Variants in NEK11 observed in about 807,000 individuals in gnomAD.
The protein encoded by NEK11 is NIMA related kinase 11, also known as serine/threonine-protein kinase Nek11.
In NEK11, 72 loss-of-function variants were observed where a neutral mutation model predicts 80.7. That is an observed-to-expected ratio of 0.89 (90% CI 0.74 to 1.08). The LOEUF is 1.08. NEK11 is among the 50% of genes least tolerant of loss of function. NEK11 has a pLI of 0.00. For missense variants in NEK11, 764 were observed against 763.6 expected, an observed-to-expected ratio of 1.00 and a Z score of -0.01; for synonymous variants, 251 against 260.7, an observed-to-expected ratio of 0.96 and a Z score of 0.36.
intron 14 of NEK11, among the ~76,000 whole-genome samples, chr3:131,196,615 C>A (rs927241224): frequency 5.3e-5 from 8 of 151,886 alleles, no homozygotes; most frequent in Non-Finnish European, 1.0e-4. Context: ...CTCACTACAA[C>A]CTCCACTTCC....
At chr3:131,338,400 C>A (rs963994758) in intron 17 of NEK11, among the ~76,000 whole-genome samples, 1 of 150,770 alleles carries the variant, frequency 6.6e-6, no homozygotes, top group African/African-American at 2.4e-5. Context: ...TTTCTTCACA[C>A]TTGATCTTCA....
chr3:131,063,530 A>C (rs766118447), intron 3 of NEK11, among the ~76,000 whole-genome samples: 1 of 152,178 alleles, frequency 6.6e-6, no homozygotes, highest in Non-Finnish European at 1.5e-5. Flanking sequence ...AGAAGCAAGA[A>C]AAAGGATACA....
At chr3:131,130,233 G>A (rs2084179789) in intron 5 of NEK11, among the ~76,000 whole-genome samples, 1 of 151,986 alleles carries the variant, frequency 6.6e-6, no homozygotes, top group South Asian at 2.1e-4. Flanking sequence ...AATTCTACTT[G>A]TTCATTGCTG....
intron 17 of NEK11, chr3:131,330,616 T>C (rs1314585988): frequency 6.6e-6 from 1 of 152,212 alleles, no homozygotes; most frequent in Non-Finnish European, 1.5e-5. Flanking sequence ...ATTTAAATCA[T>C]CCTATTTGAA....
chr3:131,197,852 C>A (rs1466814384), intron 14 of NEK11, among the ~76,000 whole-genome samples: 5 of 152,206 alleles, frequency 3.3e-5, no homozygotes, highest in African/African-American at 1.2e-4. Context: ...TCCTGCCTTG[C>A]AGCTCTTTTG....
chr3:131,264,685 T>C (rs914561738), intron 16 of NEK11, among the ~76,000 whole-genome samples: 1 of 152,224 alleles, frequency 6.6e-6, no homozygotes, highest in African/African-American at 2.4e-5. Flanking sequence ...AGGATTGTCT[T>C]GGCAATGTGG....
At chr3:131,327,191 G>A (rs1445951221) in intron 17 of NEK11, 1 of 152,286 alleles carries the variant, frequency 6.6e-6, no homozygotes, top group Non-Finnish European at 1.5e-5. Context: ...GATTCCACAA[G>A]TCTCTGCCCA....
chr3:131,162,023 G>A (rs954002051), intron 10 of NEK11, among the ~76,000 whole-genome samples: 5 of 152,154 alleles, frequency 3.3e-5, no homozygotes, highest in African/African-American at 4.8e-5. Context: ...CTAATGAGTG[G>A]TGGAGGTGGG....
chr3:131,103,876 G>C (rs982487794), intron 4 of NEK11, among the ~76,000 whole-genome samples: 2 of 152,234 alleles, frequency 1.3e-5, no homozygotes, highest in Non-Finnish European at 2.9e-5. Flanking sequence ...CCTGGGGAGA[G>C]ATCAGGGTTT....
At position 131,104,223 on chromosome 3, in the gene NEK11, G is replaced by A. The variant is rs190007595; in HGVS notation, c.337-5580G>A. On this transcript the variant is annotated intron_variant, in intron 4 of 17. Coordinates refer to ENST00000383366, the MANE Select transcript of NEK11 (RefSeq NM_024800.5). ...GGGTGGGTACTATGGTGGTGGCAGT[G>A]ACAGAGGGCCTGTCAGTTGTCTCTG... 6.6e-3 allele frequency among the ~76,000 whole-genome samples: 1,010 copies of A among 152,238 alleles called. 6 individuals carry two copies. Among genetic ancestry groups the A allele is most frequent in the Non-Finnish European group, 0.01 (692 of 67,992 alleles).
chr3:131,201,866 G>A (rs771721702), intron 14 of NEK11, among the ~76,000 whole-genome samples: 3 of 151,944 alleles, frequency 2.0e-5, no homozygotes, highest in South Asian at 2.1e-4. Flanking sequence ...ACAGAGTCTC[G>A]TTCTGTCGCC....
intron 17 of NEK11, among the ~76,000 whole-genome samples, chr3:131,276,647 A>T (rs1422413775): frequency 6.6e-6 from 1 of 151,964 alleles, no homozygotes; most frequent in Non-Finnish European, 1.5e-5. Context: ...AATTATTATT[A>T]TTACTGATCC....
intron 14 of NEK11, among the ~76,000 whole-genome samples, chr3:131,173,464 C>T (rs2092814098): frequency 6.6e-6 from 1 of 151,732 alleles, no homozygotes; most frequent in African/African-American, 2.4e-5. Context: ...TTCCTGGTTT[C>T]AAATAGGAAA....
chr3:131,210,933 C>G (rs6798881), intron 14 of NEK11, among the ~76,000 whole-genome samples: 32,018 of 152,054 alleles, frequency 0.21, 3,699 homozygotes, highest in African/African-American at 0.31. Context: ...ATCCAATTTG[C>G]CAGTCTGTGT....
chr3:131,237,721 A>G (rs959949853), intron 15 of NEK11, among the ~76,000 whole-genome samples: 1 of 152,144 alleles, frequency 6.6e-6, no homozygotes, highest in Non-Finnish European at 1.5e-5. Flanking sequence ...CATGTACTAA[A>G]GTTAAGCCCC....
At chr3:131,276,496 G>A (rs2096293569) in intron 17 of NEK11, among the ~76,000 whole-genome samples, 1 of 152,168 alleles carries the variant, frequency 6.6e-6, no homozygotes, top group African/African-American at 2.4e-5. Flanking sequence ...CTCTGGGAAG[G>A]GGCCGTGACT....
intron 3 of NEK11, among the ~76,000 whole-genome samples, chr3:131,032,319 GA>G (rs538971813): frequency 6.6e-6 from 1 of 151,816 alleles, no homozygotes; most frequent in Non-Finnish European, 1.5e-5. Flanking sequence ...ATCTTTTCTA[GA>G]AAAAAAAGAT....
At chr3:131,272,463 CTTTTTTTTTTTTTTTTTTTTT>C (rs869304359) in intron 16 of NEK11, among the ~76,000 whole-genome samples, 1 of 43,884 alleles carries the variant, frequency 2.3e-5, no homozygotes, top group African/African-American at 9.1e-5. Context: ...GTTTTAGCTT[CTTTTTTTTTTTTTTTTTTTTT>C]TTTTTTTTTG....
chr3:131,168,385 C>G (rs1474922092), intron 12 of NEK11, among the ~76,000 whole-genome samples: 2 of 146,136 alleles, frequency 1.4e-5, no homozygotes, highest in African/African-American at 5.1e-5. Context: ...GAGACGGAGT[C>G]TCGCTCTGTC....
Sources: gnomAD v4.1 joint callset for allele counts (sites outside exome capture counted in the v4.1 genomes callset) on GRCh38, gnomAD v4.1.1 for gene constraint, MANE v1.5 for transcripts, NCBI Gene and HGNC (gene_info 2026-07-23, HGNC 2026-07-21) for gene names.